Variants in SDK1 observed in about 807,000 individuals in gnomAD.
The protein encoded by SDK1 is sidekick cell adhesion molecule 1, also known as protein sidekick-1.
SDK1 carries 157 observed loss-of-function variants against 245.5 expected under a neutral mutation model. That is an observed-to-expected ratio of 0.64 (90% CI 0.56 to 0.73). The LOEUF (loss-of-function observed/expected upper bound fraction) is 0.73, where lower values mean the gene tolerates loss of function less well. Ranked by LOEUF, SDK1 falls within the 30% of genes least tolerant of loss-of-function variation. The pLI is 0.00. For missense variants in SDK1, 3,583 were observed against 3,002.3 expected (o/e 1.19, Z -4.52); for synonymous variants, 1,647 against 1,278.5 (o/e 1.29, Z -6.15).
intron 27 of SDK1, 21 bp from the exon 28 acceptor site, chr7:4,132,304 C>T (rs570366769): frequency 3.8e-6 from 6 of 1,583,088 alleles, no homozygotes; most frequent in African/African-American, 1.3e-5. Flanking sequence ...AGATCTGAAT[C>T]CCTGTGGTTT....
chr7:3,946,828 G>A (rs1295398411), intron 5 of SDK1, among the ~76,000 whole-genome samples: 2 of 152,194 alleles, frequency 1.3e-5, no homozygotes, highest in Non-Finnish European at 2.9e-5. Context: ...TGTTTAAAGG[G>A]AGCTGGGTAG....
chr7:4,020,346 C>T (rs2076538229), intron 17 of SDK1, among the ~76,000 whole-genome samples: 1 of 152,144 alleles, frequency 6.6e-6, no homozygotes, highest in African/African-American at 2.4e-5. Flanking sequence ...GTCAAATGCA[C>T]TTATCCCTCT....
At chr7:4,150,727 T>C (rs1365918672) in intron 30 of SDK1, among the ~76,000 whole-genome samples, 3 of 152,160 alleles carry the variant, frequency 2.0e-5, no homozygotes, top group Non-Finnish European at 4.4e-5. Flanking sequence ...GGGGCAAAGT[T>C]CAGGCTTTGG....
intron 1 of SDK1, among the ~76,000 whole-genome samples, chr7:3,381,999 A>G (rs538121918): frequency 2.0e-5 from 3 of 152,362 alleles, no homozygotes; most frequent in East Asian, 3.9e-4. Flanking sequence ...AAAGTAATTT[A>G]TAACTAATAC....
At chr7:3,973,083 A>G (rs1296704269) in intron 12 of SDK1, among the ~76,000 whole-genome samples, 1 of 151,974 alleles carries the variant, frequency 6.6e-6, no homozygotes, top group African/African-American at 2.4e-5. Context: ...ATATGTGATT[A>G]AATTGGAGGC....
At chr7:3,503,536 G>C (rs147304427) in intron 1 of SDK1, among the ~76,000 whole-genome samples, 201 of 152,248 alleles carry the variant, frequency 1.3e-3, no homozygotes, top group African/African-American at 4.6e-3. Flanking sequence ...AAATTAGCCA[G>C]TTGTGATGGT....
intron 5 of SDK1, among the ~76,000 whole-genome samples, chr7:3,872,282 CT>C (rs1296182999): frequency 1.3e-5 from 2 of 152,134 alleles, no homozygotes; most frequent in South Asian, 2.1e-4. Context: ...GTTTATCTAG[CT>C]TTGGTATTAG....
intron 1 of SDK1, among the ~76,000 whole-genome samples, chr7:3,426,078 CTTGTTCCAAGTAAT>C (rs1562479490): frequency 6.6e-6 from 1 of 152,188 alleles, no homozygotes; most frequent in African/African-American, 2.4e-5. Context: ...TTATCTTCCC[CTTGTTCCAAGTAAT>C]TTTGTTAAGC....
At chr7:4,189,287 T>C (rs1439582327) in intron 35 of SDK1, among the ~76,000 whole-genome samples, 1 of 144,456 alleles carries the variant, frequency 6.9e-6, no homozygotes, top group Admixed American at 6.7e-5. Context: ...AGCCTGGGTA[T>C]TGTAATGGCT....
At chr7:4,005,323 C>T (rs946513547) in intron 14 of SDK1, among the ~76,000 whole-genome samples, 1 of 151,280 alleles carries the variant, frequency 6.6e-6, no homozygotes, top group Non-Finnish European at 1.5e-5. Flanking sequence ...GGGATTACTG[C>T]ACCTTCTTTA....
chr7:3,338,282 C>T lies in SDK1; in HGVS notation c.298+36398C>T. On this transcript the variant is annotated intron_variant, in intron 1 of 44. Coordinates refer to ENST00000404826, the MANE Select transcript of SDK1 (RefSeq NM_152744.4). ...ATGGGTACTGTTCAGAAAGGAAGCC[C>T]CACAAGTGTTACCATGGCAAAACTG... 3 of 466,570 alleles carry T rather than the reference C, an allele frequency of 6.4e-6. No individual in the cohort carries two copies. The South Asian group carries it at 6.7e-5, about 10-fold the overall frequency. The allele number at this position is 466,570 out of a possible 1,614,324, so 28.9% of individuals were successfully genotyped here.
chr7:3,735,270 CT>C lies in SDK1; in HGVS notation c.714-86174del, dbSNP rs1779287544. ...ATTGTTGTGCAACCCATCTTTAGAA[CT>C]TTTTTACCTTGCGAAACTGAAAATC... On this transcript the variant is annotated intron_variant, in intron 4 of 44. Coordinates refer to ENST00000404826, the MANE Select transcript of SDK1 (RefSeq NM_152744.4). Among the ~76,000 whole-genome samples the C allele has an allele frequency of 7.9e-5, 12 of 152,204 alleles. 1 individual carries two copies. The South Asian group carries it at 2.5e-3, about 32-fold the overall frequency.
Position 3,811,676 on chromosome 7 carries a change from G to A in SDK1, c.714-9774G>A, listed in dbSNP as rs915703377. On this transcript the variant is annotated intron_variant, in intron 4 of 44. Coordinates refer to ENST00000404826, the MANE Select transcript of SDK1 (RefSeq NM_152744.4). ...AGTCAGGGAGCCCCAGGCCAGCCCC[G>A]CAGTTCAGGAGGGAGTTGGATGTGC... Among the ~76,000 whole-genome samples the A allele has an allele frequency of 3.3e-5, 5 of 152,260 alleles. No homozygotes were observed. The East Asian group carries it at 7.7e-4, about 24-fold the overall frequency.
intron 33 of SDK1, among the ~76,000 whole-genome samples, chr7:4,175,447 C>T (rs1782138421): frequency 6.6e-6 from 1 of 152,200 alleles, no homozygotes; most frequent in African/African-American, 2.4e-5. Flanking sequence ...GCACCTGCCC[C>T]GGGGTGACCG....
At chr7:3,594,463 T>A (rs1780986648) in intron 1 of SDK1, among the ~76,000 whole-genome samples, 1 of 152,212 alleles carries the variant, frequency 6.6e-6, no homozygotes, top group Non-Finnish European at 1.5e-5. Context: ...CTCTTGAGTA[T>A]ATACCTAAGG....
chr7:3,808,102 T>C (rs966846573), intron 4 of SDK1, among the ~76,000 whole-genome samples: 1 of 152,144 alleles, frequency 6.6e-6, no homozygotes, highest in Non-Finnish European at 1.5e-5. Context: ...TGTTAACCCC[T>C]GGTTGCTGCA....
chr7:4,205,672 T>C (rs1784174698), intron 35 of SDK1, among the ~76,000 whole-genome samples: 1 of 152,252 alleles, frequency 6.6e-6, no homozygotes, highest in Non-Finnish European at 1.5e-5. Flanking sequence ...ATAAAAGGGC[T>C]GAGAGCTCTT....
chr7:4,124,885 T>C (rs1172422078), intron 25 of SDK1, among the ~76,000 whole-genome samples: 1 of 147,348 alleles, frequency 6.8e-6, no homozygotes, highest in East Asian at 2.0e-4. Flanking sequence ...GGTAGATGAA[T>C]GGATGGGTGG....
At chr7:3,896,718 T>C (rs1396377422) in intron 5 of SDK1, among the ~76,000 whole-genome samples, 1 of 152,236 alleles carries the variant, frequency 6.6e-6, no homozygotes, top group Non-Finnish European at 1.5e-5. Context: ...TCACATATTT[T>C]GTCTGGTTTT....
Sources: gnomAD v4.1 joint callset for allele counts (sites outside exome capture counted in the v4.1 genomes callset) on GRCh38, gnomAD v4.1.1 for gene constraint, MANE v1.5 for transcripts, NCBI Gene and HGNC (gene_info 2026-07-23, HGNC 2026-07-21) for gene names.